SPSB1: variants seen among roughly 807,000 people sequenced by gnomAD.
The protein encoded by SPSB1 is splA/ryanodine receptor domain and SOCS box containing 1.
A neutral mutation model predicts 21.2 loss-of-function variants in SPSB1; 8 were observed. The observed-to-expected ratio is 0.38, with a 90% confidence interval of 0.22 to 0.68. The LOEUF (loss-of-function observed/expected upper bound fraction) is 0.68, where lower values mean the gene tolerates loss of function less well. Ranked by LOEUF, SPSB1 falls within the 30% of genes least tolerant of loss-of-function variation. The pLI is 0.53. For missense variants in SPSB1, 242 were observed against 377.8 expected (o/e 0.64, Z 2.98); for synonymous variants, 169 against 161.7 (o/e 1.05, Z -0.34).
At chr1:9,332,408 A>G (rs1217463453) in intron 1 of SPSB1, among the ~76,000 whole-genome samples, 2 of 152,132 alleles carry the variant, frequency 1.3e-5, no homozygotes, top group African/African-American at 4.8e-5. Context: ...GAGGGGTTTG[A>G]ATCTGGGTGA....
At chr1:9,294,276 GTC>G (rs1570162456) in intron 1 of SPSB1, among the ~76,000 whole-genome samples, 3 of 151,964 alleles carry the variant, frequency 2.0e-5, no homozygotes, top group African/African-American at 7.3e-5. Flanking sequence ...CTCTGTGTCT[GTC>G]TCTGTGTCTG....
chr1:9,333,852 G>T (rs1569615664), intron 1 of SPSB1, among the ~76,000 whole-genome samples: 1 of 152,184 alleles, frequency 6.6e-6, no homozygotes, highest in Admixed American at 6.5e-5. Context: ...CGGCTCCGGG[G>T]AAAACAGCTC....
chr1:9,311,886 T>C (rs757504198), intron 1 of SPSB1, among the ~76,000 whole-genome samples: 1 of 152,182 alleles, frequency 6.6e-6, no homozygotes, highest in African/African-American at 2.4e-5. Flanking sequence ...CCAGATGAAA[T>C]AGCTATGCTC....
chr1:9,304,675 A>G (rs1285571600), intron 1 of SPSB1, among the ~76,000 whole-genome samples: 3 of 152,070 alleles, frequency 2.0e-5, no homozygotes, highest in African/African-American at 4.8e-5. Context: ...ATAATGACCT[A>G]CAGGCTGGGG....
intron 1 of SPSB1, among the ~76,000 whole-genome samples, chr1:9,296,125 C>A (rs573408097): frequency 6.6e-6 from 1 of 152,140 alleles, no homozygotes; most frequent in Non-Finnish European, 1.5e-5. Flanking sequence ...GCTTTATGGA[C>A]GTGACTTTGT....
chr1:9,297,540 T>C (rs556441991), intron 1 of SPSB1, among the ~76,000 whole-genome samples: 3 of 151,956 alleles, frequency 2.0e-5, no homozygotes, highest in Admixed American at 6.6e-5. Flanking sequence ...CAAGGGAGCA[T>C]GTGTGGGAGT....
At chr1:9,361,136 A>G (rs2012105) in intron 2 of SPSB1, among the ~76,000 whole-genome samples, 1 of 139,936 alleles carries the variant, frequency 7.1e-6, no homozygotes, top group Non-Finnish European at 1.5e-5. Context: ...CTGGCCAGGC[A>G]TGGCTGGATC....
At chr1:9,314,144 C>G (rs952866632) in intron 1 of SPSB1, among the ~76,000 whole-genome samples, 9 of 150,764 alleles carry the variant, frequency 6.0e-5, no homozygotes, top group Non-Finnish European at 1.3e-4. Context: ...CTACTGCACT[C>G]CAGCCTGGGC....
intron 1 of SPSB1, among the ~76,000 whole-genome samples, chr1:9,328,925 A>G (rs1639869279): frequency 6.6e-6 from 1 of 152,178 alleles, no homozygotes; most frequent in Non-Finnish European, 1.5e-5. Context: ...GTGTCTCCAG[A>G]CATTGCCAAA....
intron 1 of SPSB1, among the ~76,000 whole-genome samples, chr1:9,295,856 G>A (rs977480905): frequency 1.3e-5 from 2 of 152,168 alleles, no homozygotes; most frequent in South Asian, 2.1e-4. Context: ...TAGCTGGTGT[G>A]CATGACTCAG....
intron 1 of SPSB1, among the ~76,000 whole-genome samples, chr1:9,301,079 A>G (rs543921736): frequency 6.6e-6 from 1 of 152,198 alleles, no homozygotes; most frequent in Non-Finnish European, 1.5e-5. Flanking sequence ...CCTTGCTTCG[A>G]AGGAGAGATG....
chr1:9,364,291 TC>T (rs1640522189), intron 2 of SPSB1, among the ~76,000 whole-genome samples: 1 of 152,108 alleles, frequency 6.6e-6, no homozygotes, highest in Non-Finnish European at 1.5e-5. Context: ...ACCTGCAAAT[TC>T]CCCACTCCTC....
chr1:9,314,669 C>G (rs1310823688), intron 1 of SPSB1, among the ~76,000 whole-genome samples: 1 of 152,248 alleles, frequency 6.6e-6, no homozygotes, highest in East Asian at 1.9e-4. Context: ...CTTACATCGT[C>G]TTGTTTTTCT....
rs1569606456 is a variant in SPSB1, at chr1:9,329,152, G to A, written c.-149-26591G>A. On this transcript the variant is annotated intron_variant, in intron 1 of 2. Transcript: ENST00000328089. ...AAGGGGGAGAATTGAAGACACCTAA[G>A]GGCAGTTGTATGAAGCAGTGTGAGG... 2.6e-5 allele frequency among the ~76,000 whole-genome samples: 4 copies of A among 152,316 alleles called. 1 individual carries two copies. The highest frequency in any genetic ancestry group is 2.6e-4 in the Admixed American group (4 of 15,304).
chr1:9,295,195 T>TGTGTGTGTGTGTGAGA (rs1471389002), intron 1 of SPSB1, among the ~76,000 whole-genome samples: 1 of 138,778 alleles, frequency 7.2e-6, no homozygotes, highest in East Asian at 2.1e-4. Context: ...AGATGGAGTG[T>TGTGTGTGTGTGTGAGA]GTGTGTGTGT....
intron 1 of SPSB1, among the ~76,000 whole-genome samples, chr1:9,341,143 G>A (rs1462236615): frequency 6.6e-6 from 1 of 152,100 alleles, no homozygotes; most frequent in Non-Finnish European, 1.5e-5. Context: ...AATGGAATAG[G>A]CACACCCCAG....
intron 2 of SPSB1, among the ~76,000 whole-genome samples, chr1:9,365,987 T>A (rs577127373): frequency 1.3e-5 from 2 of 152,358 alleles, no homozygotes; most frequent in Admixed American, 1.3e-4. Context: ...CCGCGCAGCC[T>A]TCCAACGCTC....
At chr1:9,323,211 G>A (rs981712934) in intron 1 of SPSB1, among the ~76,000 whole-genome samples, 3 of 152,340 alleles carry the variant, frequency 2.0e-5, no homozygotes, top group East Asian at 1.9e-4. Flanking sequence ...TCGCTCTCAC[G>A]AAGTGCCCTG....
rs1037856467 is a variant in SPSB1, at chr1:9,317,084, G to A, written c.-150+24013G>A. Among the ~76,000 whole-genome samples, 4 of 152,104 alleles carry A rather than the reference G, an allele frequency of 2.6e-5. No homozygotes were observed. The highest frequency in any genetic ancestry group is 4.4e-5 in the Non-Finnish European group (3 of 68,016). On this transcript the variant is annotated intron_variant, in intron 1 of 2. Coordinates refer to ENST00000328089, the MANE Select transcript of SPSB1 (RefSeq NM_025106.4). The surrounding 1 kb of genome is among the most constrained non-coding windows in gnomAD (Gnocchi z 4.3). ...GAGGGTTTGCTTCCGGTGCTCTCGCGAAGGAAAGAGAGAACTCACAAATAA... is the reference window on the plus strand; with the variant it reads ...GAGGGTTTGCTTCCGGTGCTCTCGCAAAGGAAAGAGAGAACTCACAAATAA...
Sources: allele counts gnomAD v4.1 joint callset (sites outside exome capture counted in the v4.1 genomes callset), GRCh38; gene constraint gnomAD v4.1.1; non-coding constraint Gnocchi (gnomAD v3.1); transcripts MANE v1.5; gene names NCBI Gene and HGNC (gene_info 2026-07-23, HGNC 2026-07-21).